EHMT1: variants seen among roughly 807,000 people sequenced by gnomAD.
The protein encoded by EHMT1 is euchromatic histone lysine methyltransferase 1.
Under a neutral mutation model 147.2 loss-of-function variants are expected in EHMT1, and 15 were observed. The observed-to-expected ratio is 0.10, with a 90% CI of 0.07 to 0.16. The LOEUF (loss-of-function observed/expected upper bound fraction) is 0.16, where lower values mean the gene tolerates loss of function less well. Among genes scored for constraint, EHMT1 ranks in the 10% least tolerant of loss-of-function variants. The pLI, the probability that EHMT1 is intolerant of heterozygous loss-of-function variation, is 1.00. For missense variants in EHMT1, 1,587 were observed against 1,772.4 expected, an observed-to-expected ratio of 0.90 and a Z score of 1.88; for synonymous variants, 795 against 709.6, an observed-to-expected ratio of 1.12 and a Z score of -1.91.
chr9:137,665,742 C>T (rs1191528840), intron 1 of EHMT1, among the ~76,000 whole-genome samples: 2 of 152,210 alleles, frequency 1.3e-5, no homozygotes, highest in Non-Finnish European at 2.9e-5. Flanking sequence ...AGGGTGAAAA[C>T]AATAAATGTC....
At chr9:137,650,129 C>T (rs1339293060) in intron 1 of EHMT1, among the ~76,000 whole-genome samples, 3 of 152,014 alleles carry the variant, frequency 2.0e-5, no homozygotes, top group Non-Finnish European at 4.4e-5. Context: ...GACAGGGTCT[C>T]ACCCTGTCAC....
intron 3 of EHMT1, among the ~76,000 whole-genome samples, chr9:137,726,452 C>T (rs1247148431): frequency 2.6e-5 from 4 of 152,170 alleles, no homozygotes; most frequent in Admixed American, 6.5e-5. Context: ...GCCCCAGCTT[C>T]GCTGCTTCTC....
chr9:137,663,162 C>T (rs1939267644), intron 1 of EHMT1, among the ~76,000 whole-genome samples: 1 of 152,146 alleles, frequency 6.6e-6, no homozygotes, highest in Non-Finnish European at 1.5e-5. Flanking sequence ...TTTCCTGTTC[C>T]TTTCTTTGAA....
At chr9:137,715,399 A>G (rs1945115436) in intron 2 of EHMT1, among the ~76,000 whole-genome samples, 1 of 152,242 alleles carries the variant, frequency 6.6e-6, no homozygotes, top group Non-Finnish European at 1.5e-5. Context: ...TCATGTGCTC[A>G]GGGTACACTG....
In EHMT1 at chr9:137,734,443, G is replaced by A. The variant is rs539641509; in HGVS notation, c.823+5914G>A. Among the ~76,000 whole-genome samples, 7 of 152,352 alleles carry A rather than the reference G, an allele frequency of 4.6e-5. No homozygotes were observed. The East Asian group carries it at 1.3e-3, about 29-fold the overall frequency. On this transcript the variant is annotated intron_variant, in intron 4 of 26. Coordinates refer to ENST00000460843, the MANE Select transcript of EHMT1 (RefSeq NM_024757.5). ...TAGGACAGTGAAAATAATCAAGTTT[G>A]AGAAGCAAACAACAAGACTGAAGGG...
intron 1 of EHMT1, among the ~76,000 whole-genome samples, chr9:137,709,709 G>A (rs147140758): frequency 1.1e-3 from 164 of 152,256 alleles, no homozygotes; most frequent in African/African-American, 3.5e-3. Flanking sequence ...GAATCAGTGC[G>A]TGGCTGGCCT....
At chr9:137,693,996 G>T (rs1408681681) in intron 1 of EHMT1, among the ~76,000 whole-genome samples, 12 of 91,732 alleles carry the variant, frequency 1.3e-4, no homozygotes, top group South Asian at 9.0e-4. Flanking sequence ...ACACAGTGGC[G>T]CAGGACGCTG....
chr9:137,684,034 G>GT (rs142065558), intron 1 of EHMT1, among the ~76,000 whole-genome samples: 5,532 of 151,378 alleles, frequency 0.037, 332 homozygotes, highest in African/African-American at 0.13. Context: ...TTGTTTGTTT[G>GT]TTTTTTTGCT....
intron 24 of EHMT1, 86 bp from the exon 25 acceptor site, chr9:137,817,974 C>T (rs1955060443): frequency 7.7e-7 from 1 of 1,291,770 alleles, no homozygotes. Context: ...CTGCTCTTTC[C>T]CTGTGGCTGC....
chr9:137,767,004 G>T (rs113668794), intron 10 of EHMT1, among the ~76,000 whole-genome samples: 169 of 152,194 alleles, frequency 1.1e-3, no homozygotes, highest in African/African-American at 3.8e-3. Context: ...TTTTTATTTT[G>T]TAGAGATGGT....
chr9:137,703,191 TCTTC>T (rs762293733), intron 1 of EHMT1, among the ~76,000 whole-genome samples: 94 of 152,314 alleles, frequency 6.2e-4, no homozygotes, highest in Non-Finnish European at 1.0e-3. Context: ...ACAAAACCAT[TCTTC>T]CTTCCTAGGC....
chr9:137,676,809 C>T (rs762994543), intron 1 of EHMT1, among the ~76,000 whole-genome samples: 1 of 152,146 alleles, frequency 6.6e-6, no homozygotes, highest in African/African-American at 2.4e-5. Flanking sequence ...CTTCTCTTTT[C>T]AGTTCCTGGG....
chr9:137,765,449 TTTAAAA>T (rs1950151259), intron 10 of EHMT1, among the ~76,000 whole-genome samples: 3 of 152,224 alleles, frequency 2.0e-5, no homozygotes, highest in Admixed American at 2.0e-4. Context: ...GCTTTTTTTG[TTTAAAA>T]TTAAACACAG....
chr9:137,770,335 A>T (rs1950512175), intron 10 of EHMT1, among the ~76,000 whole-genome samples: 1 of 152,196 alleles, frequency 6.6e-6, no homozygotes, highest in Non-Finnish European at 1.5e-5. Context: ...TGAGCCAGTC[A>T]AAGGCATTTA....
intron 16 of EHMT1, among the ~76,000 whole-genome samples, chr9:137,798,047 TCTC>T (rs930633854): frequency 2.6e-5 from 4 of 152,094 alleles, no homozygotes; most frequent in Non-Finnish European, 1.5e-5. Flanking sequence ...ATCTATTTGG[TCTC>T]CTCAGGGAAA....
At chr9:137,738,268 A>G (rs1308201727) in intron 4 of EHMT1, among the ~76,000 whole-genome samples, 1 of 152,142 alleles carries the variant, frequency 6.6e-6, no homozygotes. Context: ...ACGTTTATTC[A>G]AAGAAGATGC....
chr9:137,715,743 G>A, intron 2 of EHMT1: 1 of 985,426 alleles, frequency 1.0e-6, no homozygotes, highest in African/African-American at 1.7e-5. Context: ...GTGGAGAGCA[G>A]ACCACGGATG....
At chr9:137,823,754 C>T (rs1272223124) in intron 25 of EHMT1, among the ~76,000 whole-genome samples, 4 of 152,040 alleles carry the variant, frequency 2.6e-5, no homozygotes, top group East Asian at 3.9e-4. Flanking sequence ...GACGAGGTTT[C>T]GCCATGTTGG....
chr9:137,758,537 T>G (rs1949558049), intron 9 of EHMT1, among the ~76,000 whole-genome samples: 1 of 152,260 alleles, frequency 6.6e-6, no homozygotes. Context: ...TCTCACACTT[T>G]CTATCAGTTT....
Sources: allele counts gnomAD v4.1 joint callset (sites outside exome capture counted in the v4.1 genomes callset), GRCh38; gene constraint gnomAD v4.1.1; transcripts MANE v1.5; gene names NCBI Gene and HGNC (gene_info 2026-07-23, HGNC 2026-07-21).